Variants in RAPGEF5 observed in about 807,000 individuals in gnomAD.
RAPGEF5 encodes Rap guanine nucleotide exchange factor 5.
Under a neutral mutation model 125.2 loss-of-function variants are expected in RAPGEF5, and 65 were observed. The ratio of observed to expected loss-of-function variants is 0.52; its 90% CI spans 0.43 to 0.64. The LOEUF (loss-of-function observed/expected upper bound fraction) is 0.64. Among genes scored for constraint, RAPGEF5 ranks in the 30% least tolerant of loss-of-function variants. The pLI is 0.00. For missense variants in RAPGEF5, 958 were observed against 1,048.1 expected (o/e 0.91, Z 1.19); for synonymous variants, 391 against 385.9 (o/e 1.01, Z -0.16).
intron 7 of RAPGEF5, among the ~76,000 whole-genome samples, chr7:22,240,322 G>GT (rs113862025): frequency 3.1e-3 from 444 of 144,976 alleles, no homozygotes; most frequent in Middle Eastern, 0.011. Context: ...ACAGGTTTGG[G>GT]TTTTTTTTTT....
intron 5 of RAPGEF5, among the ~76,000 whole-genome samples, chr7:22,304,858 C>CCTATGCTCTT (rs1440999440): frequency 6.6e-6 from 1 of 152,210 alleles, no homozygotes; most frequent in Non-Finnish European, 1.5e-5. Flanking sequence ...AAGAGCATAT[C>CCTATGCTCTT]ACAATACAGG....
chr7:22,193,171 G>T (rs770437400), intron 11 of RAPGEF5, 196 bp downstream of exon 11: 121 of 614,110 alleles, frequency 2.0e-4, no homozygotes, highest in Non-Finnish European at 2.9e-4. Context: ...TACTTCCCAG[G>T]GAGCTGCTTG....
intron 5 of RAPGEF5, among the ~76,000 whole-genome samples, chr7:22,303,833 A>T (rs916178070): frequency 1.3e-5 from 2 of 152,254 alleles, no homozygotes; most frequent in Non-Finnish European, 2.9e-5. Context: ...GACTGGAGAC[A>T]TCATGGAAGT....
intron 18 of RAPGEF5, among the ~76,000 whole-genome samples, chr7:22,149,624 C>T (rs556923282): frequency 1.1e-4 from 16 of 152,328 alleles, no homozygotes; most frequent in Admixed American, 3.3e-4. Flanking sequence ...GACTCTTTAT[C>T]TTCAGTGGCA....
At chr7:22,199,115 T>C (rs1785217385) in intron 9 of RAPGEF5, among the ~76,000 whole-genome samples, 1 of 152,178 alleles carries the variant, frequency 6.6e-6, no homozygotes, top group African/African-American at 2.4e-5. Flanking sequence ...CATAGCCGGT[T>C]TTTAGTTCTG....
chr7:22,229,752 A>C (rs1436426076), intron 8 of RAPGEF5, among the ~76,000 whole-genome samples: 1 of 152,198 alleles, frequency 6.6e-6, no homozygotes, highest in Non-Finnish European at 1.5e-5. Context: ...TTTCTTAGAC[A>C]CACCAGAGGA....
intron 6 of RAPGEF5, among the ~76,000 whole-genome samples, chr7:22,289,636 A>C (rs1430192101): frequency 3.3e-5 from 3 of 92,140 alleles, no homozygotes; most frequent in African/African-American, 1.7e-4. Context: ...AGTTCTAAAT[A>C]TGTTTTCAAA....
rs1782927668 is a variant in RAPGEF5 at position 22,291,204 on chromosome 7, C to T, written c.718G>A (p.Asp240Asn). 10 of 1,584,174 alleles carry T rather than the reference C, an allele frequency of 6.3e-6. No homozygotes were observed. The highest frequency in any genetic ancestry group is 8.6e-6 in the Non-Finnish European group (10 of 1,166,476). Residue 240 changes from aspartate (D) to asparagine (N), a missense_variant, in exon 6 of 26, where the codon GAT (aspartate) becomes AAT (asparagine). Physicochemically the swap from Asp to Asn is conservative, Grantham distance 23. Coordinates refer to ENST00000665637, the MANE Select transcript of RAPGEF5 (RefSeq NM_012294.5). ...GATGTTAGACGCACAAGAATTTCAT[C>T]ACTGCTTTCTTCGGAGTCTTCAATT... Reference protein sequence around the residue: ...QKIEDSEESSDEILVRLTSAV... With the variant: ...QKIEDSEESSNEILVRLTSAV...
rs535294597 is a variant in RAPGEF5, at chr7:22,214,680, T to C, written c.996+5186A>G. On this transcript the variant is annotated intron_variant, in intron 9 of 25. Transcript: ENST00000665637. ...GCAAGCACCTTTTCTTTTTCTGCAT[T>C]CCCGCCCCCCAACCCCCATCCCTCC... Among the ~76,000 whole-genome samples the C allele has an allele frequency of 3.6e-4, 55 of 151,946 alleles. 1 individual carries two copies. The highest frequency in any genetic ancestry group is 1.1e-3 in the African/African-American group (45 of 41,438).
intron 25 of RAPGEF5, 30 bp from the exon 26 acceptor site, chr7:22,122,551 C>T (rs1447049670): frequency 4.7e-6 from 7 of 1,503,202 alleles, no homozygotes; most frequent in East Asian, 2.3e-5. Flanking sequence ...AAAAGACAAT[C>T]TCAGGAGAGC....
At chr7:22,338,371 T>C (rs1784063671) in intron 1 of RAPGEF5, among the ~76,000 whole-genome samples, 1 of 152,206 alleles carries the variant, frequency 6.6e-6, no homozygotes, top group African/African-American at 2.4e-5. Context: ...AGATTCTATA[T>C]CTTTGCACTC....
intron 6 of RAPGEF5, among the ~76,000 whole-genome samples, chr7:22,280,042 C>T (rs1454123357): frequency 3.3e-5 from 5 of 151,976 alleles, no homozygotes; most frequent in Non-Finnish European, 7.4e-5. Flanking sequence ...GGTAGGGTGA[C>T]CCCAATAGAA....
rs61743317 is a variant in RAPGEF5, at chr7:22,266,997, C to T, written c.763G>A (p.Ala255Thr). Residue 255 changes from alanine to threonine, a missense_variant, in exon 7 of 26, where the codon GCA (alanine) becomes ACA (threonine). Ala to Thr is a moderately conservative substitution (Grantham distance 58, BLOSUM62 0). Coordinates refer to ENST00000665637, the MANE Select transcript of RAPGEF5 (RefSeq NM_012294.5). Reference protein sequence around the residue: ...RLTSAVQRELAAVIALKARKS... With the variant: ...RLTSAVQRELTAVIALKARKS... ...CTTGCTTTCAAAGCAATAACAGCTGCTAGCTCTCTCTGCACCTAATAAAAT... is the reference window on the plus strand; with the variant it reads ...CTTGCTTTCAAAGCAATAACAGCTGTTAGCTCTCTCTGCACCTAATAAAAT... 1 of 1,610,464 alleles carries T rather than the reference C, an allele frequency of 6.2e-7. No homozygotes were observed. Among genetic ancestry groups the T allele is most frequent in the African/African-American group, 1.3e-5 (1 of 74,902 alleles).
At chr7:22,266,324 C>T (rs1032620300) in intron 7 of RAPGEF5, among the ~76,000 whole-genome samples, 5 of 152,164 alleles carry the variant, frequency 3.3e-5, no homozygotes, top group Admixed American at 3.3e-4. Context: ...TGACATTCCT[C>T]CCATCTAAGC....
chr7:22,209,736 G>A (rs1785468947), intron 9 of RAPGEF5, among the ~76,000 whole-genome samples: 1 of 152,062 alleles, frequency 6.6e-6, no homozygotes, highest in Admixed American at 6.5e-5. Context: ...GTTGTCTTAG[G>A]GCAAGGGTCA....
intron 7 of RAPGEF5, among the ~76,000 whole-genome samples, chr7:22,245,850 C>T (rs1362700079): frequency 6.6e-6 from 1 of 152,130 alleles, no homozygotes; most frequent in Non-Finnish European, 1.5e-5. Context: ...ATCTCAAAGG[C>T]TCCTGGGACT....
intron 6 of RAPGEF5, among the ~76,000 whole-genome samples, chr7:22,271,715 C>T (rs942847457): frequency 6.6e-6 from 1 of 152,200 alleles, no homozygotes; most frequent in Non-Finnish European, 1.5e-5. Context: ...CCCCTAGTTA[C>T]CCAACAGAAA....
At chr7:22,205,413 C>A (rs1372100510) in intron 9 of RAPGEF5, among the ~76,000 whole-genome samples, 2 of 152,164 alleles carry the variant, frequency 1.3e-5, no homozygotes, top group East Asian at 3.8e-4. Context: ...TTGAAGTACT[C>A]GACTGTGGGA....
At chr7:22,140,975 G>A (rs1783240408) in intron 20 of RAPGEF5, among the ~76,000 whole-genome samples, 1 of 152,164 alleles carries the variant, frequency 6.6e-6, no homozygotes, top group Non-Finnish European at 1.5e-5. Flanking sequence ...GTACTTAGCA[G>A]TAAGCAGAGC....
Sources: gnomAD v4.1 joint callset for allele counts (sites outside exome capture counted in the v4.1 genomes callset) on GRCh38, gnomAD v4.1.1 for gene constraint, MANE v1.5 for transcripts, NCBI Gene and HGNC (gene_info 2026-07-23, HGNC 2026-07-21) for gene names.